Variants in LRRK1 observed in about 807,000 individuals in gnomAD.
LRRK1 encodes leucine-rich repeat serine/threonine-protein kinase 1.
A neutral mutation model predicts 209.1 loss-of-function variants in LRRK1; 113 were observed. The observed-to-expected ratio is 0.54, with a 90% CI of 0.46 to 0.63. The LOEUF (loss-of-function observed/expected upper bound fraction) is 0.63, where lower values mean the gene tolerates loss of function less well. LRRK1 is among the 30% of genes least tolerant of loss of function. The probability of loss-of-function intolerance (pLI) is 0.00; values close to 1 mark genes in which losing one functional copy is unlikely to be tolerated. For synonymous variants in LRRK1, 1,144 were observed against 1,099.7 expected (o/e 1.04, Z -0.80); for missense variants, 2,284 against 2,632.2 (o/e 0.87, Z 2.89).
At chr15:101,002,009 C>T (rs1567224842) in intron 6 of LRRK1, among the ~76,000 whole-genome samples, 1 of 152,186 alleles carries the variant, frequency 6.6e-6, no homozygotes, top group African/African-American at 2.4e-5. Context: ...GGCCAGGAAT[C>T]GTTTTCGGAG....
At chr15:100,920,235 C>T (rs1338360219) in intron 1 of LRRK1, 1 of 152,354 alleles carries the variant, frequency 6.6e-6, no homozygotes, top group Non-Finnish European at 1.5e-5. Context: ...TTTTCTCCCA[C>T]GAACACTTCC....
intron 6 of LRRK1, among the ~76,000 whole-genome samples, chr15:101,005,731 G>T (rs2032917975): frequency 6.6e-6 from 1 of 152,202 alleles, no homozygotes; most frequent in Admixed American, 6.5e-5. Context: ...AACACAGGGG[G>T]CTCTCTCCCA....
intron 2 of LRRK1, among the ~76,000 whole-genome samples, chr15:100,930,533 C>T (rs769585906): frequency 1.3e-5 from 2 of 152,220 alleles, no homozygotes; most frequent in African/African-American, 4.8e-5. Flanking sequence ...TGGCCTCCCC[C>T]ACCCCACACT....
intron 33 of LRRK1, among the ~76,000 whole-genome samples, 185 bp downstream of exon 33, chr15:101,066,926 A>C (rs1408107101): frequency 1.3e-5 from 2 of 152,216 alleles, no homozygotes; most frequent in Admixed American, 1.3e-4. Context: ...GGGGCTCCGC[A>C]CTGGCCATGG....
At chr15:101,012,613 G>A (rs1299588680) in intron 10 of LRRK1, among the ~76,000 whole-genome samples, 3 of 152,190 alleles carry the variant, frequency 2.0e-5, no homozygotes, top group Non-Finnish European at 4.4e-5. Flanking sequence ...GCCTCACCAG[G>A]GGCCCTGTAG....
intron 11 of LRRK1, among the ~76,000 whole-genome samples, chr15:101,014,787 C>T (rs549243558): frequency 6.6e-6 from 1 of 152,316 alleles, no homozygotes; most frequent in African/African-American, 2.4e-5. Context: ...ACTTAGTTAC[C>T]TCCTTAACAG....
intron 2 of LRRK1, among the ~76,000 whole-genome samples, chr15:100,973,263 G>A (rs1476284573): frequency 6.6e-6 from 1 of 152,226 alleles, no homozygotes; most frequent in Non-Finnish European, 1.5e-5. Flanking sequence ...CCCGAGGCCC[G>A]GTGTCGTCCC....
At chr15:101,039,654 G>T (rs1361194275) in intron 20 of LRRK1, among the ~76,000 whole-genome samples, 1 of 152,186 alleles carries the variant, frequency 6.6e-6, no homozygotes, top group African/African-American at 2.4e-5. Context: ...GCGTCATTCT[G>T]TGTGATCTCA....
intron 3 of LRRK1, 81 bp downstream of exon 3, chr15:100,974,048 T>A: frequency 8.6e-7 from 1 of 1,156,830 alleles, no homozygotes; most frequent in Non-Finnish European, 1.1e-6. Context: ...TTTCTCGTTA[T>A]TGTCATAACG....
At chr15:101,009,775 A>G (rs375719676) in intron 7 of LRRK1, among the ~76,000 whole-genome samples, 7 of 151,998 alleles carry the variant, frequency 4.6e-5, no homozygotes, top group African/African-American at 1.7e-4. Context: ...TTTAGTAGAG[A>G]CGGGGTTTCA....
intron 19 of LRRK1, among the ~76,000 whole-genome samples, chr15:101,028,338 A>G (rs577471219): frequency 1.3e-5 from 2 of 152,332 alleles, no homozygotes; most frequent in East Asian, 3.9e-4. Flanking sequence ...TGACAGCACT[A>G]TTGCTCATTC....
At chr15:100,972,938 C>CACACA (rs1555462750) in intron 2 of LRRK1, among the ~76,000 whole-genome samples, 1 of 57,142 alleles carries the variant, frequency 1.8e-5, no homozygotes, top group African/African-American at 5.9e-5. Flanking sequence ...ACACACACAC[C>CACACA]CAGTTTTGTG....
At chr15:101,016,053 G>A (rs1350989103) in intron 12 of LRRK1, among the ~76,000 whole-genome samples, 5 of 150,980 alleles carry the variant, frequency 3.3e-5, no homozygotes, top group Admixed American at 6.6e-5. Context: ...GCAGTGGCGC[G>A]ATCTTGGCTC....
At position 101,072,121 on chromosome 15, in the gene LRRK1, A is replaced by G. The variant is rs1342440190; in HGVS notation, c.*3273A>G. ...CTTTACAACTCACTTTGCTGAATGG[A>G]GGGTGGATTAACGAGGGGGTAGTTG... On this transcript the variant is annotated 3_prime_UTR_variant, in exon 34 of 34. Transcript: ENST00000388948. The G allele has an allele frequency of 6.6e-6, 1 of 152,154 alleles. No homozygotes were observed. Among genetic ancestry groups the G allele is most frequent in the African/African-American group, 2.4e-5 (1 of 41,438 alleles). 9.4% of individuals were successfully genotyped at this position (152,154 alleles called of 1,614,324 possible).
intron 2 of LRRK1, among the ~76,000 whole-genome samples, chr15:100,928,300 C>A (rs748775452): frequency 1.3e-5 from 2 of 152,208 alleles, no homozygotes; most frequent in African/African-American, 2.4e-5. Flanking sequence ...ACTTGACTTA[C>A]TATGACTGCA....
In LRRK1 at chr15:101,055,118, C is replaced by G. The variant is rs1261894228; in HGVS notation, c.4227C>G (p.Asp1409Glu). 1 of 1,613,882 alleles carries G rather than the reference C, an allele frequency of 6.2e-7. No individual in the cohort carries two copies. The highest frequency in any genetic ancestry group is 2.2e-5 in the East Asian group (1 of 44,866). Reference protein sequence around the residue: ...VKEHINIKLSDYGISRQSFHE... With the variant: ...VKEHINIKLSEYGISRQSFHE... Reference sequence around the variant, plus strand: ...AGCACATCAACATCAAGCTATCTGACTACGGGATTTCGAGGCAGTCATTCC... The same window carrying G: ...AGCACATCAACATCAAGCTATCTGAGTACGGGATTTCGAGGCAGTCATTCC... Residue 1409 changes from aspartate to glutamate, a missense_variant, in exon 27 of 34, where the codon GAC (aspartate) becomes GAG (glutamate). Coordinates refer to ENST00000388948, the MANE Select transcript of LRRK1 (RefSeq NM_024652.6).
At position 100,963,239 on chromosome 15, in the gene LRRK1, C is replaced by A. The variant is rs551222460; in HGVS notation, c.98-10565C>A. On this transcript the variant is annotated intron_variant, in intron 2 of 33. Coordinates refer to ENST00000388948, the MANE Select transcript of LRRK1 (RefSeq NM_024652.6). The stretch of plus-strand genomic sequence containing the variant: ...GATAGCTGGTAAGCATTTTTTCACC[C>A]TTCTCCTTAGTCTTCATTGTCATAG... Among the ~76,000 whole-genome samples, 23 of 152,202 alleles carry A rather than the reference C, an allele frequency of 1.5e-4. No homozygotes were observed. In the South Asian group the frequency reaches 4.4e-3, roughly 29 times the overall value.
Position 101,027,254 on chromosome 15 carries a change from C to T in LRRK1, c.2406-7C>T, listed in dbSNP as rs1187484442. 2 of 1,613,662 alleles carry T rather than the reference C, an allele frequency of 1.2e-6. No individual in the cohort carries two copies. The highest frequency in any genetic ancestry group is 1.7e-5 in the Admixed American group (1 of 59,870). ...TGATGAGTAAAGACGGGTCTTTTTG[C>T]TCACAGTGAGATTTCCTGCAAGAGC... is the stretch of plus-strand genomic sequence containing the variant. On this transcript the variant is annotated splice_region_variant and splice_polypyrimidine_tract_variant and intron_variant, in intron 17 of 33. Coordinates refer to ENST00000388948, the MANE Select transcript of LRRK1 (RefSeq NM_024652.6). The surrounding 1 kb of genome is among the most constrained non-coding windows in gnomAD (Gnocchi z 5.1).
In LRRK1 at chr15:101,046,036, C is replaced by A. The variant is rs370459525; in HGVS notation, c.3019C>A (p.Arg1007=). 2.5e-6 allele frequency: 4 copies of A among 1,614,154 alleles called. No homozygotes were observed. The highest frequency in any genetic ancestry group is 3.4e-6 in the Non-Finnish European group (4 of 1,179,978). The stretch of plus-strand genomic sequence containing the variant: ...ACCTGGCCTGGACACCCACGGTATG[C>A]GGCACCCCACAGCCAACACCATTCA... The part of the protein sequence containing the change: ...SKPGLDTHGM[R]HPTANTIQRV... Residue 1007 remains arginine, a synonymous_variant, in exon 21 of 34, where the codon CGG becomes AGG. Coordinates refer to ENST00000388948, the MANE Select transcript of LRRK1 (RefSeq NM_024652.6).
Sources: allele counts gnomAD v4.1 joint callset (sites outside exome capture counted in the v4.1 genomes callset), GRCh38; gene constraint gnomAD v4.1.1; non-coding constraint Gnocchi (gnomAD v3.1); transcripts MANE v1.5; gene names NCBI Gene and HGNC (gene_info 2026-07-23, HGNC 2026-07-21).